FBXO33: variants seen among roughly 807,000 people sequenced by gnomAD.
The protein encoded by FBXO33 is F-box only protein 33.
In FBXO33, 22 loss-of-function variants were observed where a neutral mutation model predicts 46.3. The ratio of observed to expected loss-of-function variants is 0.48; its 90% CI spans 0.34 to 0.68. The LOEUF (loss-of-function observed/expected upper bound fraction) is 0.68, where lower values mean the gene tolerates loss of function less well. FBXO33 is among the 30% of genes least tolerant of loss of function. The probability of loss-of-function intolerance (pLI) is 0.01; values close to 1 mark genes in which losing one functional copy is unlikely to be tolerated. For missense variants in FBXO33, 692 were observed against 708.8 expected, an observed-to-expected ratio of 0.98 and a Z score of 0.27; for synonymous variants, 337 against 291.3, an observed-to-expected ratio of 1.16 and a Z score of -1.60.
chr14:39,431,088 G>A (rs1039778791), intron 1 of FBXO33, among the ~76,000 whole-genome samples: 1 of 152,294 alleles, frequency 6.6e-6, no homozygotes, highest in South Asian at 2.1e-4. Context: ...TAAGAAAATG[G>A]CTGTTACAAA....
chr14:39,431,808 G>A lies in FBXO33; in HGVS notation c.355C>T (p.Pro119Ser), dbSNP rs7147177. 4,954 of 1,611,106 alleles carry A rather than the reference G, an allele frequency of 3.1e-3. 132 individuals are homozygous for A. The African/African-American group carries it at 0.057, about 18-fold the overall frequency. The part of the protein sequence containing the change: ...PQLRICLRVS[P>S]AEQPRLEFLM... Reference sequence around the variant, plus strand: ...AATTCCAGCCGAGGCTGCTCCGCGGGCGAGACGCGGAGGCAGATGCGGAGC... The same window carrying A: ...AATTCCAGCCGAGGCTGCTCCGCGGACGAGACGCGGAGGCAGATGCGGAGC... The change falls in exon 1 of 4, where the codon CCC becomes TCC. Residue 119 changes from proline (P) to serine (S), a missense_variant. Physicochemically the swap from Pro to Ser is moderately conservative, Grantham distance 74. Transcript: ENST00000298097.
chr14:39,409,630 AAT>A (rs2075413687), intron 1 of FBXO33, among the ~76,000 whole-genome samples: 1 of 152,194 alleles, frequency 6.6e-6, no homozygotes, highest in Non-Finnish European at 1.5e-5. Flanking sequence ...TTGAGATTTT[AAT>A]AGAGATTGCA....
Position 39,431,982 on chromosome 14 carries a change from G to A in FBXO33, c.181C>T (p.Leu61=), listed in dbSNP as rs376863529. Residue 61 remains leucine, a synonymous_variant, in exon 1 of 4, where the codon CTG becomes TTG. Coordinates refer to ENST00000298097, the MANE Select transcript of FBXO33 (RefSeq NM_203301.4). ...GCAGCGCCCGCCGCCTGCCCGCACA[G>A]AGCCATCCGGCCCCGCCGCCGGCTG... ...AGSRRRGRMA[L]CGQAAGAASL... 1,721 of 1,487,204 alleles carry A rather than the reference G, an allele frequency of 1.2e-3. 30 individuals carry two copies. In the East Asian group the frequency reaches 0.034, roughly 30 times the overall value. 92.1% of individuals were successfully genotyped at this position (1,487,204 alleles called of 1,614,324 possible).
Position 39,401,425 on chromosome 14 carries a change from C to A in FBXO33, c.1147G>T (p.Asp383Tyr). The A allele has an allele frequency of 6.2e-7, 1 of 1,614,146 alleles. No homozygotes were observed. The highest frequency in any genetic ancestry group is 1.3e-5 in the African/African-American group (1 of 75,048). The change falls in exon 3 of 4, where the codon GAT becomes TAT. Residue 383 changes from aspartate to tyrosine, a missense_variant. By Grantham distance (160) the Asp-to-Tyr change is radical. This residue lies in a region of FBXO33 where 186 missense variants were observed against 246.1 expected (regional missense o/e 0.76). Transcript: ENST00000298097. The stretch of plus-strand genomic sequence containing the variant: ...CTGGGTTTCAGAATCTTTAACATAT[C>A]TTCACTCTTGATATCAAAAGCCATT... ...YIMAFDIKSE[D>Y]MLKILKPSIP...
intron 1 of FBXO33, among the ~76,000 whole-genome samples, chr14:39,428,409 A>G (rs138444443): frequency 6.6e-6 from 1 of 152,234 alleles, no homozygotes; most frequent in East Asian, 1.9e-4. Flanking sequence ...CATATTGACC[A>G]GGCTGGTCTC....
rs181638439 is a variant in FBXO33 at position 39,409,178 on chromosome 14, G to A, written c.600-6667C>T. ...TCATTACCAAGACCAATGCCAAGAAGCTTTCCCCCTATGTTTTCTGTGAGA... is the reference window on the plus strand; with the variant it reads ...TCATTACCAAGACCAATGCCAAGAAACTTTCCCCCTATGTTTTCTGTGAGA... On this transcript the variant is annotated intron_variant, in intron 1 of 3. Transcript: ENST00000298097. 2.0e-3 allele frequency among the ~76,000 whole-genome samples: 298 copies of A among 152,220 alleles called. 3 individuals are homozygous for A. Among genetic ancestry groups the A allele is most frequent in the East Asian group, 1.4e-3 (7 of 5,180 alleles).
At chr14:39,418,790 CA>C (rs71130850) in intron 1 of FBXO33, among the ~76,000 whole-genome samples, 37,575 of 136,630 alleles carry the variant, frequency 0.28, 5,039 homozygotes, top group East Asian at 0.51. Flanking sequence ...AAAAAAAAAA[CA>C]AAAAAAAAAC....
chr14:39,409,710 T>C (rs2075413965), intron 1 of FBXO33, among the ~76,000 whole-genome samples: 1 of 152,206 alleles, frequency 6.6e-6, no homozygotes, highest in East Asian at 1.9e-4. Flanking sequence ...GTCATGAACA[T>C]GAGATGTTTT....
chr14:39,402,589 C>G, intron 1 of FBXO33, 78 bp from the exon 2 acceptor site: 2 of 609,470 alleles, frequency 3.3e-6, no homozygotes, highest in Non-Finnish European at 4.8e-6. Flanking sequence ...TAAGAATATG[C>G]AAAGGGGATA....
At chr14:39,419,366 AT>A (rs2075468190) in intron 1 of FBXO33, among the ~76,000 whole-genome samples, 1 of 152,244 alleles carries the variant, frequency 6.6e-6, no homozygotes, top group Admixed American at 6.5e-5. Context: ...CATAAAAAAA[AT>A]GACAACTCAA....
chr14:39,427,860 A>C (rs1194960825), intron 1 of FBXO33, among the ~76,000 whole-genome samples: 3 of 152,100 alleles, frequency 2.0e-5, no homozygotes, highest in Non-Finnish European at 2.9e-5. Flanking sequence ...GGGTGGGAGG[A>C]TCATTTGAGC....
Position 39,401,257 on chromosome 14 carries a change from C to CT in FBXO33, c.1314dup (p.Asp439ArgfsTer3), listed in dbSNP as rs1379621835. ...TCTTCATTTCGGTTGTCACTAAGATCTGGAAAACCAGATGTGTCAATCACA... is the reference window on the plus strand; with the variant it reads ...TCTTCATTTCGGTTGTCACTAAGATCTTGGAAAACCAGATGTGTCAATCACA... On this transcript the variant is annotated frameshift_variant, in exon 3 of 4. Coordinates refer to ENST00000298097, the MANE Select transcript of FBXO33 (RefSeq NM_203301.4). LOFTEE classifies it high-confidence loss of function. 6.2e-7 allele frequency: 1 copy of CT among 1,613,912 alleles called. No homozygotes were observed.
intron 1 of FBXO33, among the ~76,000 whole-genome samples, chr14:39,407,189 G>A (rs775690692): frequency 6.6e-6 from 1 of 152,124 alleles, no homozygotes; most frequent in Non-Finnish European, 1.5e-5. Context: ...AAAAATACAA[G>A]ATATTTAGGA....
At chr14:39,409,804 A>G (rs774045662) in intron 1 of FBXO33, among the ~76,000 whole-genome samples, 1 of 152,078 alleles carries the variant, frequency 6.6e-6, no homozygotes, top group Non-Finnish European at 1.5e-5. Context: ...TTCCCTAAAT[A>G]TTTTGTTCTT....
intron 1 of FBXO33, among the ~76,000 whole-genome samples, chr14:39,416,545 TCTG>T (rs529113537): frequency 9.3e-4 from 142 of 152,266 alleles, no homozygotes; most frequent in African/African-American, 2.8e-3. Flanking sequence ...TTTATTTTGC[TCTG>T]CTAATTTGAT....
chr14:39,412,579 T>C (rs1394016496), intron 1 of FBXO33, among the ~76,000 whole-genome samples: 2 of 151,906 alleles, frequency 1.3e-5, no homozygotes, highest in African/African-American at 4.8e-5. Flanking sequence ...CTTACTATCG[T>C]CATTTTGTTC....
chr14:39,421,780 T>A lies in FBXO33; in HGVS notation c.599+9784A>T, dbSNP rs1270326355. Among the ~76,000 whole-genome samples the A allele has an allele frequency of 1.5e-4, 23 of 149,174 alleles. No individual in the cohort carries two copies. The East Asian group carries it at 3.8e-3, about 24-fold the overall frequency. On this transcript the variant is annotated intron_variant, in intron 1 of 3. Coordinates refer to ENST00000298097, the MANE Select transcript of FBXO33 (RefSeq NM_203301.4). Reference sequence around the variant, plus strand: ...CAAACCCTAGCTATTTGAGTACAAATCACACACACACACACACACACACAC... The same window carrying A: ...CAAACCCTAGCTATTTGAGTACAAAACACACACACACACACACACACACAC...
At chr14:39,426,286 T>G (rs2139420798) in intron 1 of FBXO33, among the ~76,000 whole-genome samples, 1 of 152,300 alleles carries the variant, frequency 6.6e-6, no homozygotes, top group African/African-American at 2.4e-5. Context: ...CACATCTAAC[T>G]GGTGAGTACT....
At position 39,431,997 on chromosome 14, in the gene FBXO33, G is replaced by C; in HGVS notation, c.166C>G (p.Arg56Gly). The C allele has an allele frequency of 1.4e-6, 2 of 1,425,582 alleles. No homozygotes were observed. The highest frequency in any genetic ancestry group is 1.8e-6 in the Non-Finnish European group (2 of 1,102,326). The allele number at this position is 1,425,582 out of a possible 1,614,324, so 88.3% of individuals were successfully genotyped here. A position where few individuals can be genotyped will look rare whatever the true frequency, so the allele number is the denominator to read the frequency against. ...TGCCCGCACAGAGCCATCCGGCCCCGCCGCCGGCTGCCGGCTCCCGGCCGC... is the reference window on the plus strand; with the variant it reads ...TGCCCGCACAGAGCCATCCGGCCCCCCCGCCGGCTGCCGGCTCCCGGCCGC... Reference protein sequence around the residue: ...RGRPGAGSRRRGRMALCGQAA... With the variant: ...RGRPGAGSRRGGRMALCGQAA... The change falls in exon 1 of 4, where the codon CGG becomes GGG. Residue 56 changes from arginine to glycine, a missense_variant. Coordinates refer to ENST00000298097, the MANE Select transcript of FBXO33 (RefSeq NM_203301.4).
Sources: allele counts gnomAD v4.1 joint callset (sites outside exome capture counted in the v4.1 genomes callset), GRCh38; gene constraint gnomAD v4.1.1; regional missense constraint gnomAD v4.1.1; transcripts MANE v1.5; gene names NCBI Gene and HGNC (gene_info 2026-07-23, HGNC 2026-07-21).